Variants in DENND5B observed in about 807,000 individuals in gnomAD.
DENND5B encodes the protein DENN domain-containing protein 5B.
A neutral mutation model predicts 140.6 loss-of-function variants in DENND5B; 34 were observed. The ratio of observed to expected loss-of-function variants is 0.24; its 90% CI spans 0.18 to 0.32. The LOEUF is 0.32. Ranked by LOEUF, DENND5B falls within the 10% of genes least tolerant of loss-of-function variation. The pLI, the probability that DENND5B is intolerant of heterozygous loss-of-function variation, is 1.00. For missense variants in DENND5B, 1,142 were observed against 1,560.2 expected (o/e 0.73, Z 4.52); for synonymous variants, 551 against 562.1 (o/e 0.98, Z 0.28).
chr12:31,405,616 C>T (rs972206632), intron 14 of DENND5B, among the ~76,000 whole-genome samples: 2 of 152,052 alleles, frequency 1.3e-5, no homozygotes, highest in African/African-American at 4.8e-5. Context: ...GGTGCAATCT[C>T]AGCTCACTGC....
At chr12:31,459,002 T>C (rs1203644204) in intron 4 of DENND5B, among the ~76,000 whole-genome samples, 2 of 151,924 alleles carry the variant, frequency 1.3e-5, no homozygotes, top group African/African-American at 4.8e-5. Flanking sequence ...CACCTGAAGA[T>C]GGGAGTTTGA....
chr12:31,495,184 C>T (rs1285852547), intron 2 of DENND5B, among the ~76,000 whole-genome samples: 3 of 152,052 alleles, frequency 2.0e-5, no homozygotes, highest in Non-Finnish European at 4.4e-5. Flanking sequence ...CCTCTCAGGC[C>T]AATAAAGTAA....
chr12:31,397,549 C>CAAAAAAAAAAAAAAAAA (rs1223481557), intron 17 of DENND5B, among the ~76,000 whole-genome samples: 3 of 49,318 alleles, frequency 6.1e-5, no homozygotes, highest in Non-Finnish European at 6.7e-5. Flanking sequence ...TTCCATCTCA[C>CAAAAAAAAAAAAAAAAA]AAAAAAAAAA....
intron 5 of DENND5B, among the ~76,000 whole-genome samples, chr12:31,449,730 A>AGTTTTTT (rs1491265606): frequency 0.069 from 1,677 of 24,376 alleles, 51 homozygotes; most frequent in African/African-American, 0.11. Flanking sequence ...TACACAGATT[A>AGTTTTTT]GTTTTTTTTT....
intron 1 of DENND5B, among the ~76,000 whole-genome samples, chr12:31,505,545 C>T (rs2138864579): frequency 6.6e-6 from 1 of 151,942 alleles, no homozygotes; most frequent in South Asian, 2.1e-4. Context: ...CCAGAATTTG[C>T]CCATTTTTAA....
intron 5 of DENND5B, among the ~76,000 whole-genome samples, chr12:31,448,830 A>C (rs1944386280): frequency 6.6e-6 from 1 of 151,332 alleles, no homozygotes; most frequent in Non-Finnish European, 1.5e-5. Context: ...AAAGAAACAT[A>C]GTGAAACCGC....
intron 15 of DENND5B, 49 bp from the exon 16 acceptor site, chr12:31,399,821 A>G: frequency 7.0e-7 from 1 of 1,433,282 alleles, no homozygotes; most frequent in East Asian, 2.3e-5. Flanking sequence ...CCATCCTGTT[A>G]CATCTCAGCT....
intron 1 of DENND5B, among the ~76,000 whole-genome samples, chr12:31,569,938 G>C (rs1949759485): frequency 6.6e-6 from 1 of 151,150 alleles, no homozygotes; most frequent in South Asian, 2.1e-4. Flanking sequence ...GCTCATGCCT[G>C]TAATCCCAAC....
intron 17 of DENND5B, among the ~76,000 whole-genome samples, chr12:31,394,662 G>A (rs2137307531): frequency 6.7e-6 from 1 of 149,424 alleles, no homozygotes; most frequent in Admixed American, 6.7e-5. Flanking sequence ...CACCCAGGCT[G>A]GAGTGCAGTG....
intron 3 of DENND5B, among the ~76,000 whole-genome samples, chr12:31,476,201 TA>T (rs934806628): frequency 1.7e-4 from 25 of 150,676 alleles, no homozygotes; most frequent in Non-Finnish European, 2.5e-4. Context: ...TTTTGCCTTC[TA>T]AAAAAAGCAT....
At chr12:31,504,011 G>T (rs1252440275) in intron 1 of DENND5B, among the ~76,000 whole-genome samples, 1 of 152,112 alleles carries the variant, frequency 6.6e-6, no homozygotes, top group East Asian at 1.9e-4. Context: ...CATTTTAATA[G>T]ATTTACATAT....
chr12:31,543,363 T>C (rs1422374629), intron 1 of DENND5B, among the ~76,000 whole-genome samples: 1 of 152,228 alleles, frequency 6.6e-6, no homozygotes, highest in Non-Finnish European at 1.5e-5. Context: ...TCTTTGACAG[T>C]ACCTGCTACT....
At chr12:31,500,906 T>TA (rs1475410879) in intron 1 of DENND5B, among the ~76,000 whole-genome samples, 4 of 152,262 alleles carry the variant, frequency 2.6e-5, no homozygotes, top group African/African-American at 9.6e-5. Flanking sequence ...AACTCCAGTC[T>TA]AATCATAAGA....
chr12:31,562,615 T>TA (rs887987167), intron 1 of DENND5B, among the ~76,000 whole-genome samples: 40 of 146,452 alleles, frequency 2.7e-4, no homozygotes, highest in South Asian at 4.3e-4. Flanking sequence ...ACTCTGTCTT[T>TA]AAAAAAAAAA....
chr12:31,451,613 G>A lies in DENND5B; in HGVS notation c.1629+327C>T, dbSNP rs183250049. The A allele has an allele frequency of 6.3e-3, 1,706 of 271,684 alleles. 15 individuals are homozygous for A. The highest frequency in any genetic ancestry group is 7.5e-3 in the Non-Finnish European group (1,066 of 141,982). 16.8% of individuals were successfully genotyped at this position (271,684 alleles called of 1,614,324 possible). On this transcript the variant is annotated intron_variant, in intron 5 of 20. Transcript: ENST00000389082. ...TCTGGGATTACAGGCATGAGCCACC[G>A]TGCCCGGCCTGAGTTTCTATAATTT... is the stretch of plus-strand genomic sequence containing the variant.
chr12:31,565,845 A>G (rs1949607546), intron 1 of DENND5B, among the ~76,000 whole-genome samples: 2 of 152,202 alleles, frequency 1.3e-5, no homozygotes, highest in South Asian at 4.1e-4. Context: ...CTGGCTATAA[A>G]AACTAAAAAA....
intron 14 of DENND5B, among the ~76,000 whole-genome samples, chr12:31,406,753 A>C (rs1275061228): frequency 6.6e-6 from 1 of 152,164 alleles, no homozygotes; most frequent in African/African-American, 2.4e-5. Context: ...TACTCAGATG[A>C]AGAGAAATCT....
rs200700052 is a variant in DENND5B, at chr12:31,433,046, GT to G, written c.2106+108del. ...TAATATTTTAAACTATAACTAAACA[GT>G]TTTTTTTTTAAAGAACATTAAGAAT... On this transcript the variant is annotated intron_variant, in intron 8 of 20. Coordinates refer to ENST00000389082, the MANE Select transcript of DENND5B (RefSeq NM_144973.4). 3.2e-3 allele frequency: 2,627 copies of G among 831,410 alleles called. 16 individuals are homozygous for G. The highest frequency in any genetic ancestry group is 0.012 in the East Asian group (406 of 35,042). 51.5% of individuals were successfully genotyped at this position (831,410 alleles called of 1,614,324 possible).
intron 2 of DENND5B, among the ~76,000 whole-genome samples, chr12:31,490,791 G>A (rs1029059442): frequency 6.6e-6 from 1 of 152,054 alleles, no homozygotes; most frequent in Non-Finnish European, 1.5e-5. Flanking sequence ...TACAAGATAA[G>A]CATCTGAATA....
Sources: allele counts gnomAD v4.1 joint callset (sites outside exome capture counted in the v4.1 genomes callset), GRCh38; gene constraint gnomAD v4.1.1; transcripts MANE v1.5; gene names NCBI Gene and HGNC (gene_info 2026-07-23, HGNC 2026-07-21).